Variants in KIF14 observed in about 807,000 individuals in gnomAD.
KIF14 encodes the protein kinesin family member 14.
Under a neutral mutation model 176.2 loss-of-function variants are expected in KIF14, and 98 were observed. The ratio of observed to expected loss-of-function variants is 0.56; its 90% CI spans 0.47 to 0.66. KIF14 has a LOEUF of 0.66. KIF14 is among the 30% of genes least tolerant of loss of function. KIF14 has a pLI of 0.00. For missense variants in KIF14, 1,751 were observed against 1,920.4 expected, an observed-to-expected ratio of 0.91 and a Z score of 1.65; for synonymous variants, 566 against 632.2, an observed-to-expected ratio of 0.90 and a Z score of 1.57.
At chr1:200,607,335 C>T (rs1432476605) in intron 5 of KIF14, among the ~76,000 whole-genome samples, 2 of 152,042 alleles carry the variant, frequency 1.3e-5, no homozygotes, top group Non-Finnish European at 1.5e-5. Context: ...GAAGGAGTTT[C>T]ACCATGTTGG....
rs146638641 is a variant in KIF14, at chr1:200,588,502, G to A, written c.3114+715C>T. ...AATCCACCCGCCTCAGCCTCCCAAA[G>A]TCCTGGGATTACAGGTGTAAGCCAC... On this transcript the variant is annotated intron_variant, in intron 18 of 29. Transcript: ENST00000367350. Among the ~76,000 whole-genome samples the A allele has an allele frequency of 6.1e-3, 935 of 152,150 alleles. 17 individuals are homozygous for A. The highest frequency in any genetic ancestry group is 0.022 in the African/African-American group (906 of 41,502).
chr1:200,586,674 C>T (rs1022143645), intron 18 of KIF14, among the ~76,000 whole-genome samples: 1 of 150,646 alleles, frequency 6.6e-6, no homozygotes, highest in Non-Finnish European at 1.5e-5. Context: ...CAAAAAGACT[C>T]CTGCATGTGT....
chr1:200,572,946 T>C (rs1218671317), intron 22 of KIF14, among the ~76,000 whole-genome samples: 4 of 152,204 alleles, frequency 2.6e-5, no homozygotes, highest in African/African-American at 9.7e-5. Flanking sequence ...CTTGAAGATA[T>C]TACCATCTGT....
At chr1:200,607,439 T>A (rs967563061) in intron 5 of KIF14, among the ~76,000 whole-genome samples, 2 of 152,212 alleles carry the variant, frequency 1.3e-5, no homozygotes, top group African/African-American at 4.8e-5. Flanking sequence ...GTACCCAGCT[T>A]GTCTTCCTAG....
intron 18 of KIF14, among the ~76,000 whole-genome samples, chr1:200,588,769 A>T (rs943059070): frequency 3.3e-5 from 5 of 152,186 alleles, no homozygotes; most frequent in African/African-American, 7.2e-5. Context: ...CAGGTGCCTG[A>T]GCTCATAAGA....
chr1:200,589,903 T>G (rs2102686513), intron 17 of KIF14, among the ~76,000 whole-genome samples: 1 of 152,160 alleles, frequency 6.6e-6, no homozygotes, highest in South Asian at 2.1e-4. Flanking sequence ...TCTGCCCGCC[T>G]TGGCCTCCTA....
chr1:200,603,809 C>G (rs1364562616), intron 9 of KIF14, 30 bp downstream of exon 9: 1 of 1,338,056 alleles, frequency 7.5e-7, no homozygotes, highest in Non-Finnish European at 1.1e-6. Context: ...GAATAAATTT[C>G]ATCAAAAGGA....
chr1:200,606,577 A>G lies in KIF14; in HGVS notation c.1607+169T>C, dbSNP rs936469510. ...CAAGTAACTAACACTCTATGGAAAG[A>G]GAGGGAAAACCTAATTGGACAATAT... On this transcript the variant is annotated intron_variant, in intron 6 of 29. Coordinates refer to ENST00000367350, the MANE Select transcript of KIF14 (RefSeq NM_014875.3). Among the ~76,000 whole-genome samples, 15 of 152,282 alleles carry G rather than the reference A, an allele frequency of 9.9e-5. No homozygotes were observed. In the East Asian group the frequency reaches 2.5e-3, roughly 25 times the overall value.
intron 27 of KIF14, among the ~76,000 whole-genome samples, chr1:200,558,723 G>T (rs1656969638): frequency 6.6e-6 from 1 of 152,094 alleles, no homozygotes; most frequent in South Asian, 2.1e-4. Context: ...TACATGACAG[G>T]GTCAGAGCAT....
intron 7 of KIF14, 106 bp from the exon 8 acceptor site, chr1:200,605,496 G>A (rs1260523265): frequency 6.2e-6 from 4 of 645,604 alleles, no homozygotes; most frequent in African/African-American, 3.8e-5. Context: ...TCAGCAGACT[G>A]TAACTCAATG....
At chr1:200,563,443 T>C (rs1404890126) in intron 25 of KIF14, among the ~76,000 whole-genome samples, 13 of 152,146 alleles carry the variant, frequency 8.5e-5, no homozygotes, top group Admixed American at 8.5e-4. Context: ...TGGCTCACTG[T>C]AGCTTCGAAC....
intron 22 of KIF14, among the ~76,000 whole-genome samples, chr1:200,573,423 A>ATTTTTT (rs1657921825): frequency 3.6e-5 from 3 of 84,420 alleles, no homozygotes; most frequent in African/African-American, 6.0e-5. Flanking sequence ...CAAGGAGCTC[A>ATTTTTT]TTTCTTTTTT....
rs767586539 is a variant in KIF14, at chr1:200,565,189, T to C, written c.3951A>G (p.Leu1317=). Residue 1317 remains leucine, a synonymous_variant, in exon 25 of 30, where the codon CTA becomes CTG. Transcript: ENST00000367350. ...TIQTACAFEQ[L]VVLMKHWLSD... Reference sequence around the variant, plus strand: ...TCAGCCAGTGTTTCATTAGCACTACTAGCTGCTCAAAAGCACATGCAGTCT... The same window carrying C: ...TCAGCCAGTGTTTCATTAGCACTACCAGCTGCTCAAAAGCACATGCAGTCT... 8 of 1,613,838 alleles carry C rather than the reference T, an allele frequency of 5.0e-6. No homozygotes were observed. Among genetic ancestry groups the C allele is most frequent in the Non-Finnish European group, 6.8e-6 (8 of 1,179,858 alleles).
chr1:200,591,942 T>C, intron 16 of KIF14, 138 bp downstream of exon 16: 1 of 639,844 alleles, frequency 1.6e-6, no homozygotes, highest in African/African-American at 1.8e-5. Context: ...GGTGAACTAA[T>C]GAATGTACTA....
chr1:200,596,172 C>T (rs912821620), intron 14 of KIF14, among the ~76,000 whole-genome samples: 11 of 151,848 alleles, frequency 7.2e-5, no homozygotes, highest in African/African-American at 1.9e-4. Flanking sequence ...GAGAATTGCT[C>T]GACTCCAGGA....
chr1:200,590,151 T>G lies in KIF14; in HGVS notation c.2935A>C (p.Lys979Gln). ...LSSQKAAYESKIKALEAELRE... is the reference protein window; with the variant it reads ...LSSQKAAYESQIKALEAELRE... ...AGTTCTGCTTCCAGTGCTTTTATTT[T>G]GCTTTCATATGCAGCTTTTTGAGAA... The change falls in exon 17 of 30, where the codon AAA (lysine) becomes CAA (glutamine). Residue 979 changes from lysine (K) to glutamine (Q), a missense_variant. Physicochemically the swap from Lys to Gln is moderately conservative, Grantham distance 53. Transcript: ENST00000367350. The G allele has an allele frequency of 1.2e-6, 2 of 1,609,724 alleles. No individual in the cohort carries two copies. The highest frequency in any genetic ancestry group is 1.7e-6 in the Non-Finnish European group (2 of 1,179,206).
chr1:200,593,874 A>T, intron 14 of KIF14, 105 bp from the exon 15 acceptor site: 1 of 615,504 alleles, frequency 1.6e-6, no homozygotes, highest in Non-Finnish European at 2.9e-6. Flanking sequence ...TGGTGTTAAG[A>T]TTCATACCAA....
rs111413323 is a variant in KIF14 at position 200,614,022 on chromosome 1, C to T, written c.1455+296G>A. ...GTACACCTATCTGACTACAAACACA[C>T]GTATAACAGCACATAGCTACCATGT... On this transcript the variant is annotated intron_variant, in intron 4 of 29. Coordinates refer to ENST00000367350, the MANE Select transcript of KIF14 (RefSeq NM_014875.3). Among the ~76,000 whole-genome samples the T allele has an allele frequency of 3.9e-5, 6 of 152,282 alleles. 1 individual carries two copies. The highest frequency in any genetic ancestry group is 1.2e-4 in the African/African-American group (5 of 41,572).
Position 200,559,436 on chromosome 1 carries a change from G to T in KIF14, c.4247C>A (p.Ala1416Asp), listed in dbSNP as rs372382009. ...AASVQEEFMD[A>D]VCDGVGLGMK... is the part of the protein sequence containing the mutation. ...TCCTAAGCCTACACCATCACAAACA[G>T]CATCCATGAATTCCTCCTAGAAAAA... The change falls in exon 27 of 30, where the codon GCT becomes GAT. Residue 1416 changes from alanine (A) to aspartate (D), a missense_variant. Ala to Asp is a moderately radical substitution (Grantham distance 126, BLOSUM62 -2). Coordinates refer to ENST00000367350, the MANE Select transcript of KIF14 (RefSeq NM_014875.3). 9.8e-6 allele frequency: 15 copies of T among 1,529,164 alleles called. No homozygotes were observed. The highest frequency in any genetic ancestry group is 1.3e-5 in the Non-Finnish European group (15 of 1,140,290). The allele number at this position is 1,529,164 out of a possible 1,614,324, so 94.7% of individuals were successfully genotyped here.
Sources: allele counts gnomAD v4.1 joint callset (sites outside exome capture counted in the v4.1 genomes callset), GRCh38; gene constraint gnomAD v4.1.1; transcripts MANE v1.5; gene names NCBI Gene and HGNC (gene_info 2026-07-23, HGNC 2026-07-21).